The following MAD1L1 variants were observed in gnomAD, a reference collection of about 807,000 sequenced individuals.
The protein encoded by MAD1L1 is mitotic arrest deficient 1 like 1, also known as mitotic spindle assembly checkpoint protein MAD1.
MAD1L1 carries 95 observed loss-of-function variants against 96.9 expected under a neutral mutation model. The observed-to-expected ratio is 0.98, with a 90% CI of 0.83 to 1.16. The LOEUF is 1.16. Among genes scored for constraint, MAD1L1 ranks in the 50% most tolerant of loss-of-function variants. The pLI, the probability that MAD1L1 is intolerant of heterozygous loss-of-function variation, is 0.00. For missense variants in MAD1L1, 1,007 were observed against 954.4 expected, an observed-to-expected ratio of 1.06 and a Z score of -0.73; for synonymous variants, 473 against 396.6, an observed-to-expected ratio of 1.19 and a Z score of -2.29.
chr7:2,223,139 G>T (rs974462891), intron 4 of MAD1L1, among the ~76,000 whole-genome samples: 1 of 152,176 alleles, frequency 6.6e-6, no homozygotes, highest in South Asian at 2.1e-4. Flanking sequence ...GTCTAATTAC[G>T]CTCTGTCCGG....
chr7:2,001,975 T>C, intron 14 of MAD1L1, 90 bp downstream of exon 14: 3 of 1,390,354 alleles, frequency 2.2e-6, no homozygotes, highest in South Asian at 1.2e-5. Context: ...CACTGGCGCC[T>C]GCAGCCTAAA....
intron 5 of MAD1L1, among the ~76,000 whole-genome samples, chr7:2,222,309 A>G (rs1305568870): frequency 2.0e-5 from 3 of 152,054 alleles, no homozygotes; most frequent in Non-Finnish European, 2.9e-5. Flanking sequence ...CCAACTCCCA[A>G]CCTCAGATGA....
In MAD1L1 at chr7:2,146,253, C is replaced by G. The variant is rs889124111; in HGVS notation, c.1073+2899G>C. Among the ~76,000 whole-genome samples the G allele has an allele frequency of 2.7e-5, 4 of 150,158 alleles. No homozygotes were observed. Among genetic ancestry groups the G allele is most frequent in the African/African-American group, 7.6e-5 (3 of 39,598 alleles). The stretch of plus-strand genomic sequence containing the variant: ...GCAGCACCGCCTGGAAGAGGGAGCA[C>G]CGGGCACTGGGCTACGAGGAACAGG... On this transcript the variant is annotated intron_variant, in intron 11 of 18. Coordinates refer to ENST00000265854, the MANE Select transcript of MAD1L1 (RefSeq NM_001013836.2). This position sits in a 1 kb window ranked among gnomAD's most constrained non-coding sequence, Gnocchi z 6.2.
chr7:1,871,263 A>AC (rs1735364706), intron 18 of MAD1L1, among the ~76,000 whole-genome samples: 2 of 90,674 alleles, frequency 2.2e-5, no homozygotes, highest in Non-Finnish European at 2.2e-5. Flanking sequence ...ACCCAACATA[A>AC]GCCTGCCACG....
intron 11 of MAD1L1, among the ~76,000 whole-genome samples, chr7:2,133,786 G>T (rs1387769905): frequency 6.6e-6 from 1 of 152,194 alleles, no homozygotes; most frequent in Non-Finnish European, 1.5e-5. Flanking sequence ...AGCACCATTT[G>T]CTGAGAAGAC....
intron 16 of MAD1L1, among the ~76,000 whole-genome samples, chr7:1,954,864 G>A (rs1333103626): frequency 6.6e-6 from 1 of 152,160 alleles, no homozygotes. Flanking sequence ...CAGTCCAGGA[G>A]CCCCGCCCAC....
At chr7:2,047,472 G>T (rs1450879595) in intron 12 of MAD1L1, among the ~76,000 whole-genome samples, 1 of 152,170 alleles carries the variant, frequency 6.6e-6, no homozygotes, top group Non-Finnish European at 1.5e-5. Context: ...TTTGATGATG[G>T]ATGATGTTTA....
chr7:2,202,534 G>A (rs973728317), intron 10 of MAD1L1, among the ~76,000 whole-genome samples: 4 of 152,224 alleles, frequency 2.6e-5, no homozygotes, highest in African/African-American at 9.6e-5. Context: ...AAGGGGAAAC[G>A]TGGCCCAGAC....
At chr7:1,891,380 G>T (rs1786529254) in intron 18 of MAD1L1, among the ~76,000 whole-genome samples, 1 of 152,054 alleles carries the variant, frequency 6.6e-6, no homozygotes, top group Admixed American at 6.6e-5. Context: ...AAAAAAATTA[G>T]CTGGGTGTGG....
intron 11 of MAD1L1, among the ~76,000 whole-genome samples, chr7:2,120,883 G>A (rs1248149719): frequency 6.6e-6 from 1 of 152,234 alleles, no homozygotes; most frequent in Non-Finnish European, 1.5e-5. Flanking sequence ...CAACAGGCTG[G>A]TGTGGCCTCC....
intron 11 of MAD1L1, among the ~76,000 whole-genome samples, chr7:2,091,347 G>GT (rs1235010057): frequency 6.6e-6 from 1 of 152,178 alleles, no homozygotes; most frequent in Non-Finnish European, 1.5e-5. Context: ...AGCAGTACAG[G>GT]TATGTGCCAG....
At chr7:1,834,231 G>T in intron 18 of MAD1L1, among the ~76,000 whole-genome samples, 1 of 152,064 alleles carries the variant, frequency 6.6e-6, no homozygotes, top group Non-Finnish European at 1.5e-5. Flanking sequence ...AAAAAAGAAG[G>T]TCTCAAATCA....
intron 12 of MAD1L1, among the ~76,000 whole-genome samples, chr7:2,055,259 C>A (rs896773232): frequency 6.6e-6 from 1 of 152,132 alleles, no homozygotes; most frequent in African/African-American, 2.4e-5. Context: ...GTGAGGACAG[C>A]AGGTAGGCAG....
At chr7:2,049,569 G>A (rs1417870307) in intron 12 of MAD1L1, among the ~76,000 whole-genome samples, 1 of 152,206 alleles carries the variant, frequency 6.6e-6, no homozygotes, top group African/African-American at 2.4e-5. Flanking sequence ...TCCGCCCAGG[G>A]GCCTCCTGCA....
chr7:2,039,257 ACCAT>A (rs1406538137), intron 12 of MAD1L1, among the ~76,000 whole-genome samples: 2 of 152,218 alleles, frequency 1.3e-5, no homozygotes, highest in African/African-American at 4.8e-5. Flanking sequence ...CCGTTGTTTA[ACCAT>A]CACCACCGAA....
chr7:2,006,852 C>T (rs565541868), intron 13 of MAD1L1, among the ~76,000 whole-genome samples: 8 of 152,278 alleles, frequency 5.3e-5, no homozygotes, highest in Admixed American at 2.0e-4. Context: ...AGAACTTCTC[C>T]TTCTGGACAA....
At chr7:2,131,866 C>T (rs1788523844) in intron 11 of MAD1L1, among the ~76,000 whole-genome samples, 1 of 152,198 alleles carries the variant, frequency 6.6e-6, no homozygotes, top group Non-Finnish European at 1.5e-5. Flanking sequence ...CTTCTTTCGG[C>T]AACTGGCAGT....
At chr7:2,222,135 G>A (rs1018156824) in intron 5 of MAD1L1, among the ~76,000 whole-genome samples, 2 of 150,086 alleles carry the variant, frequency 1.3e-5, no homozygotes, top group African/African-American at 2.5e-5. Context: ...GTGCAATGGT[G>A]TGATCTGAGC....
intron 16 of MAD1L1, among the ~76,000 whole-genome samples, chr7:1,954,054 C>T (rs910821579): frequency 6.6e-6 from 1 of 152,152 alleles, no homozygotes; most frequent in Non-Finnish European, 1.5e-5. Flanking sequence ...CTGTGAGCCC[C>T]GACCAGCCTC....
Sources: allele counts gnomAD v4.1 joint callset (sites outside exome capture counted in the v4.1 genomes callset), GRCh38; gene constraint gnomAD v4.1.1; non-coding constraint Gnocchi (gnomAD v3.1); transcripts MANE v1.5; gene names NCBI Gene and HGNC (gene_info 2026-07-23, HGNC 2026-07-21).